RIOX2: variants seen among roughly 807,000 people sequenced by gnomAD.
The protein encoded by RIOX2 is ribosomal oxygenase 2.
In RIOX2, 43 loss-of-function variants were observed where a neutral mutation model predicts 51.2. That is an observed-to-expected ratio of 0.84 (90% CI 0.66 to 1.08). The LOEUF is 1.08. Ranked by LOEUF, RIOX2 falls within the 50% of genes least tolerant of loss-of-function variation. The pLI is 0.00. For synonymous variants in RIOX2, 226 were observed against 218.5 expected, an observed-to-expected ratio of 1.03 and a Z score of -0.30; for missense variants, 566 against 561.7, an observed-to-expected ratio of 1.01 and a Z score of -0.08.
In RIOX2 at chr3:97,954,417, C is replaced by T. The variant is rs200630521; in HGVS notation, c.760G>A (p.Val254Met). ...TPAGLAHSTH[V>M]TISTYQNNSW... ...TTGTTCTGGTAGGTGCTGATGGTCA[C>T]GTGAGTAGAGTGGGCCAGCCCCGCA... The change falls in exon 5 of 10, where the codon GTG (valine) becomes ATG (methionine). Residue 254 changes from valine to methionine, a missense_variant. Val to Met is a conservative substitution (Grantham distance 21, BLOSUM62 1). Coordinates refer to ENST00000394198, the MANE Select transcript of RIOX2 (RefSeq NM_153182.4). The T allele has an allele frequency of 1.6e-4, 255 of 1,613,684 alleles. 2 individuals carry two copies. The highest frequency in any genetic ancestry group is 1.6e-4 in the Middle Eastern group (1 of 6,076).
intron 2 of RIOX2, among the ~76,000 whole-genome samples, chr3:97,966,694 T>G (rs1278842734): frequency 6.6e-6 from 1 of 152,206 alleles, no homozygotes; most frequent in Non-Finnish European, 1.5e-5. Context: ...ATCTAGCATG[T>G]GATCTGGTCA....
In RIOX2 at chr3:97,961,660, A is replaced by G. The variant is rs1705678669; in HGVS notation, c.481T>C (p.Leu161=). ...GTTATGTACACATTCGAGCCAACCA[A>G]GGAGCCAAAGTAACATTCCAGCTTC... ...QEKLECYFGS[L]VGSNVYITPA... The change falls in exon 3 of 10, where the codon TTG becomes CTG. Residue 161 remains leucine (L), a synonymous_variant. Coordinates refer to ENST00000394198, the MANE Select transcript of RIOX2 (RefSeq NM_153182.4). 6.2e-7 allele frequency: 1 copy of G among 1,612,602 alleles called. No homozygotes were observed. Among genetic ancestry groups the G allele is most frequent in the African/African-American group, 1.3e-5 (1 of 74,956 alleles).
intron 5 of RIOX2, 185 bp from the exon 6 acceptor site, chr3:97,951,073 C>T (rs987519049): frequency 1.1e-5 from 6 of 544,518 alleles, no homozygotes; most frequent in Admixed American, 3.2e-5. Context: ...CATCAACCAC[C>T]CTGTTTCCTC....
chr3:97,969,158 C>T (rs1240870441), intron 1 of RIOX2, among the ~76,000 whole-genome samples: 1 of 151,832 alleles, frequency 6.6e-6, no homozygotes, highest in Non-Finnish European at 1.5e-5. Context: ...GATAAGGAAA[C>T]ACAGGACATG....
chr3:97,967,162 C>T lies in RIOX2; in HGVS notation c.432G>A (p.Lys144=). The change falls in exon 2 of 10, where the codon AAG becomes AAA. Residue 144 remains lysine, a splice_region_variant and synonymous_variant. Coordinates refer to ENST00000394198, the MANE Select transcript of RIOX2 (RefSeq NM_153182.4). The part of the protein sequence containing the change: ...TIQFHQPQRF[K]DELWRIQEKL... ...ATTCTGCAATGGGGAAACTGGTTAC[C>T]TTAAATCTCTGAGGTTGGTGAAACT... is the stretch of plus-strand genomic sequence containing the variant. The T allele has an allele frequency of 3.1e-6, 5 of 1,612,194 alleles. No homozygotes were observed. Among genetic ancestry groups the T allele is most frequent in the Non-Finnish European group, 4.2e-6 (5 of 1,178,976 alleles).
chr3:97,948,306 T>TA (rs1158860161), intron 7 of RIOX2, among the ~76,000 whole-genome samples: 1 of 152,204 alleles, frequency 6.6e-6, no homozygotes, highest in African/African-American at 2.4e-5. Context: ...CTCTTGGTCA[T>TA]AATTAAGAGT....
rs1330199642 is a variant in RIOX2 at position 97,944,719 on chromosome 3, G to A, written c.*465C>T. 6.6e-6 allele frequency: 1 copy of A among 152,216 alleles called. No individual in the cohort carries two copies. Among genetic ancestry groups the A allele is most frequent in the African/African-American group, 2.4e-5 (1 of 41,338 alleles). The allele number at this position is 152,216 out of a possible 1,614,324, so 9.4% of individuals were successfully genotyped here. On this transcript the variant is annotated 3_prime_UTR_variant, in exon 10 of 10. Coordinates refer to ENST00000394198, the MANE Select transcript of RIOX2 (RefSeq NM_153182.4). The stretch of plus-strand genomic sequence containing the variant: ...ATTATTTAATAAAATTTATGTTACA[G>A]GATAACTTTATTTTAATGGGCATGG...
chr3:97,951,661 G>C (rs1205120370), intron 5 of RIOX2, among the ~76,000 whole-genome samples: 1 of 152,100 alleles, frequency 6.6e-6, no homozygotes, highest in African/African-American at 2.4e-5. Flanking sequence ...CAAATTGCCG[G>C]CTAGTAGAAA....
rs571716014 is a variant in RIOX2 at position 97,956,010 on chromosome 3, G to A, written c.682-1515C>T. On this transcript the variant is annotated intron_variant, in intron 4 of 9. Coordinates refer to ENST00000394198, the MANE Select transcript of RIOX2 (RefSeq NM_153182.4). Reference sequence around the variant, plus strand: ...ACTGGAAGTTACTCTGGGTGAGCCCGTCAGTGATGGTAAGTGAATGGGAGA... The same window carrying A: ...ACTGGAAGTTACTCTGGGTGAGCCCATCAGTGATGGTAAGTGAATGGGAGA... Among the ~76,000 whole-genome samples the A allele has an allele frequency of 8.5e-5, 13 of 152,300 alleles. No individual in the cohort carries two copies. The South Asian group carries it at 1.5e-3, about 17-fold the overall frequency.
chr3:97,955,767 C>A (rs984505375), intron 4 of RIOX2, among the ~76,000 whole-genome samples: 1 of 152,098 alleles, frequency 6.6e-6, no homozygotes, highest in Non-Finnish European at 1.5e-5. Flanking sequence ...TATGTCACTG[C>A]GCAAACATCA....
At chr3:97,965,766 ATC>A (rs1705869607) in intron 2 of RIOX2, among the ~76,000 whole-genome samples, 1 of 152,220 alleles carries the variant, frequency 6.6e-6, no homozygotes, top group Non-Finnish European at 1.5e-5. Context: ...GCCAAATATC[ATC>A]TCTCTGCTGG....
In RIOX2 at chr3:97,945,758, C is replaced by G. The variant is rs775742275; in HGVS notation, c.1239+40G>C. The G allele has an allele frequency of 4.9e-6, 7 of 1,442,482 alleles. 1 individual carries two copies. In the Admixed American group the frequency reaches 1.3e-4, roughly 26 times the overall value. The allele number at this position is 1,442,482 out of a possible 1,614,324, so 89.4% of individuals were successfully genotyped here. A position where few individuals can be genotyped will look rare whatever the true frequency, so the allele number is the denominator to read the frequency against. On this transcript the variant is annotated intron_variant, in intron 9 of 9. Coordinates refer to ENST00000394198, the MANE Select transcript of RIOX2 (RefSeq NM_153182.4). Reference sequence around the variant, plus strand: ...TAATCAATTCTTCCCAACCACCACCCAAGTCACAGGATAGGCATTTGTTTT... The same window carrying G: ...TAATCAATTCTTCCCAACCACCACCGAAGTCACAGGATAGGCATTTGTTTT...
chr3:97,956,855 G>GTTTTAA (rs1312636218), intron 4 of RIOX2, among the ~76,000 whole-genome samples: 5 of 152,142 alleles, frequency 3.3e-5, no homozygotes, highest in Non-Finnish European at 7.3e-5. Context: ...AGCCTGCAAG[G>GTTTTAA]TAAATATCAT....
At chr3:97,971,293 A>G (rs1359060619) in intron 1 of RIOX2, among the ~76,000 whole-genome samples, 3 of 152,232 alleles carry the variant, frequency 2.0e-5, no homozygotes, top group Admixed American at 1.3e-4. Context: ...CATCAAGCCC[A>G]CTGGATTGCC....
chr3:97,946,583 G>GATT (rs1478953362), intron 8 of RIOX2, among the ~76,000 whole-genome samples: 1 of 13,328 alleles, frequency 7.5e-5, no homozygotes, highest in Non-Finnish European at 1.3e-4. Flanking sequence ...TACTTTTGAG[G>GATT]ATGTATATAT....
rs144824024 is a variant in RIOX2 at position 97,966,437 on chromosome 3, T to C, written c.432+725A>G. 2.0e-3 allele frequency among the ~76,000 whole-genome samples: 301 copies of C among 152,338 alleles called. 4 individuals are homozygous for C. The highest frequency in any genetic ancestry group is 7.1e-3 in the East Asian group (37 of 5,182). Reference sequence around the variant, plus strand: ...TGAGATGAGATACAGATCTCAAACCTTGAGGAAAACAAATTAGTTCATACT... The same window carrying C: ...TGAGATGAGATACAGATCTCAAACCCTGAGGAAAACAAATTAGTTCATACT... On this transcript the variant is annotated intron_variant, in intron 2 of 9. Transcript: ENST00000394198.
chr3:97,969,701 C>T (rs907531845), intron 1 of RIOX2, among the ~76,000 whole-genome samples: 1 of 152,220 alleles, frequency 6.6e-6, no homozygotes, highest in African/African-American at 2.4e-5. Flanking sequence ...TAACAAGCTT[C>T]GCAGGTTGGC....
In RIOX2 at chr3:97,961,339, A is replaced by C. The variant is rs564147315; in HGVS notation, c.552+250T>G. ...TTCAATAAATACTTGTTTCAGACGA[A>C]TGTGTGGCTCTTTAAATTAGTAAGG... is the stretch of plus-strand genomic sequence containing the variant. On this transcript the variant is annotated intron_variant, in intron 3 of 9. Transcript: ENST00000394198. Among the ~76,000 whole-genome samples, 49 of 152,372 alleles carry C rather than the reference A, an allele frequency of 3.2e-4. 1 individual carries two copies. The highest frequency in any genetic ancestry group is 3.4e-3 in the Middle Eastern group (1 of 294).
intron 2 of RIOX2, 152 bp downstream of exon 2, chr3:97,967,010 T>A: frequency 1.3e-6 from 1 of 757,960 alleles, no homozygotes; most frequent in East Asian, 2.5e-5. Context: ...TAATCCTAGT[T>A]AGAATGCATT....
Sources: allele counts gnomAD v4.1 joint callset (sites outside exome capture counted in the v4.1 genomes callset), GRCh38; gene constraint gnomAD v4.1.1; transcripts MANE v1.5; gene names NCBI Gene and HGNC (gene_info 2026-07-23, HGNC 2026-07-21).